PCDHA12: variants seen among roughly 807,000 people sequenced by gnomAD.
The protein encoded by PCDHA12 is protocadherin alpha-12.
A neutral mutation model predicts 60.0 loss-of-function variants in PCDHA12; 44 were observed. The ratio of observed to expected loss-of-function variants is 0.73; its 90% CI spans 0.58 to 0.94. The LOEUF (loss-of-function observed/expected upper bound fraction) is 0.94, where lower values mean the gene tolerates loss of function less well. Ranked by LOEUF, PCDHA12 falls within the 40% of genes least tolerant of loss-of-function variation. PCDHA12 has a pLI of 0.00. For synonymous variants in PCDHA12, 569 were observed against 553.0 expected, an observed-to-expected ratio of 1.03 and a Z score of -0.40; for missense variants, 1,276 against 1,239.7, an observed-to-expected ratio of 1.03 and a Z score of -0.44.
rs1554167829 is a variant in PCDHA12 at position 140,875,653 on chromosome 5, C to T, written c.181C>T (p.Pro61Ser). 2 of 1,613,682 alleles carry T rather than the reference C, an allele frequency of 1.2e-6. No homozygotes were observed. Among genetic ancestry groups the T allele is most frequent in the East Asian group, 2.2e-5 (1 of 44,886 alleles). ...DLGLELAELV[P>S]RLFRVASKRH... Reference sequence around the variant, plus strand: ...GGGGCTGGAGCTGGCGGAGCTGGTGCCGCGCCTGTTCCGGGTGGCGTCCAA... The same window carrying T: ...GGGGCTGGAGCTGGCGGAGCTGGTGTCGCGCCTGTTCCGGGTGGCGTCCAA... Residue 61 changes from proline (P) to serine (S), a missense_variant, in exon 1 of 4, where the codon CCG (proline) becomes TCG (serine). By Grantham distance (74) the Pro-to-Ser change is moderately conservative. Transcript: ENST00000398631.
chr5:140,967,736 G>A (rs1554229871), intron 1 of PCDHA12: 4 of 1,614,162 alleles, frequency 2.5e-6, no homozygotes, highest in Non-Finnish European at 3.4e-6. Context: ...TGGGGGGCTG[G>A]ATTATGAGGA....
chr5:141,005,697 G>A (rs1197870932), intron 3 of PCDHA12, among the ~76,000 whole-genome samples: 75 of 78,728 alleles, frequency 9.5e-4, no homozygotes, highest in Admixed American at 6.2e-4. Context: ...GCGAAACTCC[G>A]TCTCAAAAAA....
At chr5:140,917,397 C>T (rs1606123) in intron 1 of PCDHA12, among the ~76,000 whole-genome samples, 6,084 of 150,666 alleles carry the variant, frequency 0.04, 137 homozygotes, top group Non-Finnish European at 0.052. Context: ...TGTGCAGAAG[C>T]TCTTTAGTTT....
intron 3 of PCDHA12, among the ~76,000 whole-genome samples, chr5:140,991,495 A>C (rs1331520722): frequency 6.6e-6 from 1 of 152,220 alleles, no homozygotes; most frequent in Non-Finnish European, 1.5e-5. Flanking sequence ...GTCCACAGTG[A>C]GTTTCACTGG....
Position 140,949,948 on chromosome 5 carries a change from G to T in PCDHA12, c.2368-29001G>T, listed in dbSNP as rs2094436034. Among the ~76,000 whole-genome samples the T allele has an allele frequency of 2.0e-5, 3 of 151,288 alleles. No individual in the cohort carries two copies. In the South Asian group the frequency reaches 6.2e-4, roughly 31 times the overall value. On this transcript the variant is annotated intron_variant, in intron 1 of 3. Coordinates refer to ENST00000398631, the MANE Select transcript of PCDHA12 (RefSeq NM_018903.4). ...GATTTTTTTTAATTTGCATTTTTTA[G>T]TGGTTGCTGTAAGGATTACAGCATA...
intron 1 of PCDHA12, among the ~76,000 whole-genome samples, chr5:140,950,960 A>G (rs2094536305): frequency 6.6e-6 from 1 of 151,564 alleles, no homozygotes. Flanking sequence ...CTATTGATCT[A>G]TTTTCAGATT....
At chr5:140,937,064 G>A (rs2091301496) in intron 1 of PCDHA12, among the ~76,000 whole-genome samples, 1 of 143,854 alleles carries the variant, frequency 7.0e-6, no homozygotes, top group Admixed American at 7.1e-5. Context: ...TTGAGACGGA[G>A]TCTCGCTCTG....
chr5:140,941,181 G>C (rs2092747130), intron 1 of PCDHA12, among the ~76,000 whole-genome samples: 1 of 114,608 alleles, frequency 8.7e-6, no homozygotes, highest in African/African-American at 3.2e-5. Flanking sequence ...TGAACATCCT[G>C]CTTCTTTTTT....
At chr5:140,976,818 G>A (rs782290955) in intron 1 of PCDHA12, among the ~76,000 whole-genome samples, 5 of 152,208 alleles carry the variant, frequency 3.3e-5, no homozygotes, top group Admixed American at 6.5e-5. Flanking sequence ...ATATGCATGT[G>A]TCTAATGAGC....
intron 1 of PCDHA12, among the ~76,000 whole-genome samples, chr5:140,975,053 A>G (rs2096651589): frequency 1.3e-5 from 2 of 152,144 alleles, no homozygotes; most frequent in Admixed American, 6.5e-5. Flanking sequence ...GGAAGAATCT[A>G]CTATCGAGCT....
At chr5:140,884,833 C>G in intron 1 of PCDHA12, 1 of 916,634 alleles carries the variant, frequency 1.1e-6, no homozygotes, top group Non-Finnish European at 1.5e-6. Context: ...GTTGGATTAT[C>G]CTTCAGAGTG....
intron 3 of PCDHA12, among the ~76,000 whole-genome samples, chr5:141,005,731 A>AC (rs2098235322): frequency 6.7e-6 from 1 of 149,106 alleles, no homozygotes; most frequent in Non-Finnish European, 1.5e-5. Flanking sequence ...AAAAAAAAAA[A>AC]GAATGGATGA....
chr5:140,958,724 A>G (rs1563299236), intron 1 of PCDHA12, among the ~76,000 whole-genome samples: 1 of 152,188 alleles, frequency 6.6e-6, no homozygotes, highest in Admixed American at 6.5e-5. Context: ...TAAATGTAAC[A>G]CTGAATGGGA....
At chr5:140,964,212 A>G (rs1195642946) in intron 1 of PCDHA12, among the ~76,000 whole-genome samples, 11 of 152,244 alleles carry the variant, frequency 7.2e-5, no homozygotes, top group African/African-American at 2.7e-4. Flanking sequence ...TCTTTAGTAC[A>G]ATGTCTTTCA....
chr5:141,009,908 A>T lies in PCDHA12; in HGVS notation c.2797A>T (p.Asn933Tyr). ...NKTQEKKEKGNSTTDNSDQ is the reference protein window; with the variant it reads ...NKTQEKKEKGYSTTDNSDQ ...GACCCAGGAGAAAAAAGAGAAAGGG[A>T]ACAGCACGACTGACAACAGTGACCA... Residue 933 changes from asparagine to tyrosine, a missense_variant, in exon 4 of 4, where the codon AAC (asparagine) becomes TAC (tyrosine). Physicochemically the swap from Asn to Tyr is moderately radical, Grantham distance 143 (BLOSUM62 -2). Transcript: ENST00000398631. 1 of 1,612,966 alleles carries T rather than the reference A, an allele frequency of 6.2e-7. No individual in the cohort carries two copies. The highest frequency in any genetic ancestry group is 1.1e-5 in the South Asian group (1 of 90,886).
chr5:140,990,554 A>T (rs555586765), intron 3 of PCDHA12, among the ~76,000 whole-genome samples: 1 of 152,308 alleles, frequency 6.6e-6, no homozygotes, highest in East Asian at 1.9e-4. Context: ...GTATTACCCA[A>T]GAACACACAC....
intron 3 of PCDHA12, among the ~76,000 whole-genome samples, chr5:140,999,874 T>G (rs897953919): frequency 6.6e-6 from 1 of 152,122 alleles, no homozygotes; most frequent in Admixed American, 6.5e-5. Flanking sequence ...TTACTGAAAA[T>G]TAGCCCAGCT....
At chr5:140,977,256 C>T (rs1304967733) in intron 1 of PCDHA12, among the ~76,000 whole-genome samples, 1 of 152,164 alleles carries the variant, frequency 6.6e-6, no homozygotes, top group Non-Finnish European at 1.5e-5. Flanking sequence ...CATTTCTCAG[C>T]AGATGTTACA....
At chr5:140,941,217 T>TCCTTTCTTTCTTTCTTTCTTTCTG (rs2092892388) in intron 1 of PCDHA12, among the ~76,000 whole-genome samples, 1 of 126,078 alleles carries the variant, frequency 7.9e-6, no homozygotes, top group Non-Finnish European at 1.7e-5. Context: ...CTTTCTTCCT[T>TCCTTTCTTTCTTTCTTTCTTTCTG]TCTTTCTTTC....
Sources: allele counts gnomAD v4.1 joint callset (sites outside exome capture counted in the v4.1 genomes callset), GRCh38; gene constraint gnomAD v4.1.1; transcripts MANE v1.5; gene names NCBI Gene and HGNC (gene_info 2026-07-23, HGNC 2026-07-21).